The following SNRPN variants were observed in gnomAD, a reference collection of about 807,000 sequenced individuals.
SNRPN encodes the protein small nuclear ribonucleoprotein-associated protein N.
Under a neutral mutation model 25.2 loss-of-function variants are expected in SNRPN, and 7 were observed. The ratio of observed to expected loss-of-function variants is 0.28; its 90% CI spans 0.16 to 0.52. SNRPN has a LOEUF of 0.52. Among genes scored for constraint, SNRPN ranks in the 20% least tolerant of loss-of-function variants. The pLI is 0.96. For synonymous variants in SNRPN, 124 were observed against 110.6 expected (o/e 1.12, Z -0.76); for missense variants, 196 against 322.5 (o/e 0.61, Z 3.00).
intron 2 of SNRPN, among the ~76,000 whole-genome samples, chr15:24,888,022 C>G (rs1306163154): frequency 6.6e-6 from 1 of 151,990 alleles, no homozygotes; most frequent in East Asian, 1.9e-4. Context: ...GTTAATGTCA[C>G]TGAACTGTAC....
chr15:24,927,438 T>C (rs12912143), intron 3 of SNRPN, among the ~76,000 whole-genome samples: 141,869 of 141,898 alleles, frequency 1, 70,921 homozygotes, highest in Middle Eastern at 1. Flanking sequence ...CCCTCTTTTT[T>C]TTCTCCCTCT....
Position 24,904,292 on chromosome 15 carries a change from T to A in SNRPN, c.-504-15719T>A, listed in dbSNP as rs530806038. On this transcript the variant is annotated intron_variant, in intron 2 of 11. Transcript: ENST00000400097. Reference sequence around the variant, plus strand: ...TTGGTGAGAACCCTATTAGGCTGATTTCAATTACAAACATGGATGTACAGG... The same window carrying A: ...TTGGTGAGAACCCTATTAGGCTGATATCAATTACAAACATGGATGTACAGG... 8.5e-5 allele frequency among the ~76,000 whole-genome samples: 13 copies of A among 152,238 alleles called. No individual in the cohort carries two copies. In the South Asian group the frequency reaches 1.2e-3, roughly 15 times the overall value.
intron 2 of SNRPN, among the ~76,000 whole-genome samples, chr15:24,894,696 G>A (rs1034319193): frequency 6.6e-6 from 1 of 152,172 alleles, no homozygotes; most frequent in Non-Finnish European, 1.5e-5. Context: ...AAGGGACAAG[G>A]AGTTTTTACT....
In SNRPN at chr15:24,976,936, A is replaced by G. The variant is rs950695321; in HGVS notation, c.327A>G (p.Ala109=). The G allele has an allele frequency of 6.2e-7, 1 of 1,608,932 alleles. No individual in the cohort carries two copies. The highest frequency in any genetic ancestry group is 1.1e-5 in the South Asian group (1 of 90,376). The change falls in exon 7 of 10, where the codon GCA becomes GCG. Residue 109 remains alanine (A), a synonymous_variant. Transcript: ENST00000390687. Reference sequence around the variant, plus strand: ...CTGGAGGCCCTGGGGTTGGTAGGGCAGCTGGTAGAGGAGTACCAGCTGGTG... The same window carrying G: ...CTGGAGGCCCTGGGGTTGGTAGGGCGGCTGGTAGAGGAGTACCAGCTGGTG... ...GAAGGPGVGR[A]AGRGVPAGVP... is the part of the protein sequence containing the mutation.
At chr15:24,892,264 T>C (rs144151004) in intron 2 of SNRPN, among the ~76,000 whole-genome samples, 1 of 152,158 alleles carries the variant, frequency 6.6e-6, no homozygotes, top group Non-Finnish European at 1.5e-5. Context: ...CAGGGTGGAC[T>C]AAAGTTTAAG....
intron 2 of SNRPN, chr15:24,911,178 A>G (rs2059192410): frequency 2.0e-6 from 1 of 494,350 alleles, no homozygotes. Context: ...AATTATTTTT[A>G]AAGGGAAGTT....
At chr15:24,954,388 T>C (rs1264721630), upstream of SNRPN, among the ~76,000 whole-genome samples, 1 of 152,216 alleles carries the variant, frequency 6.6e-6, no homozygotes, top group Non-Finnish European at 1.5e-5. Context: ...TTGAATGATC[T>C]ATCCATTCCG....
At chr15:24,825,167 C>T (rs1025553213) in intron 1 of SNRPN, among the ~76,000 whole-genome samples, 1 of 151,956 alleles carries the variant, frequency 6.6e-6, no homozygotes, top group East Asian at 1.9e-4. Flanking sequence ...GTCAGGCACT[C>T]GGGGTTTCAA....
Position 24,835,123 on chromosome 15 carries a change from A to T in SNRPN, c.-579+5218A>T, listed in dbSNP as rs1444566293. Among the ~76,000 whole-genome samples, 13 of 62,284 alleles carry T rather than the reference A, an allele frequency of 2.1e-4. 3 individuals carry two copies. The South Asian group carries it at 4.2e-3, about 20-fold the overall frequency. 40.9% of individuals were successfully genotyped at this position (62,284 alleles called of 152,430 possible). ...ATATATATACTATATATCTATATATAAAATATATAGATATATATACTATAT... is the reference window on the plus strand; with the variant it reads ...ATATATATACTATATATCTATATATTAAATATATAGATATATATACTATAT... On this transcript the variant is annotated intron_variant, in intron 2 of 12. Transcript: ENST00000400100.
intron 2 of SNRPN, among the ~76,000 whole-genome samples, chr15:24,838,019 G>C (rs926600809): frequency 1.4e-5 from 2 of 147,926 alleles, no homozygotes; most frequent in Non-Finnish European, 3.0e-5. Flanking sequence ...CACTGTGCCC[G>C]GCCAACTCTT....
chr15:24,865,478 G>A (rs1197556625), intron 1 of SNRPN, among the ~76,000 whole-genome samples: 1 of 152,178 alleles, frequency 6.6e-6, no homozygotes, highest in Non-Finnish European at 1.5e-5. Flanking sequence ...CTCTTATCAG[G>A]AGAAAGTTAC....
At chr15:24,918,429 A>AT (rs1412902569) in intron 2 of SNRPN, among the ~76,000 whole-genome samples, 1 of 99,350 alleles carries the variant, frequency 1.0e-5, no homozygotes, top group Non-Finnish European at 2.0e-5. Context: ...TGTATATATA[A>AT]CATAATATAT....
At chr15:24,892,255 AG>A (rs765828409) in intron 2 of SNRPN, among the ~76,000 whole-genome samples, 4 of 152,148 alleles carry the variant, frequency 2.6e-5, no homozygotes, top group Admixed American at 6.5e-5. Flanking sequence ...CCTTGACAGC[AG>A]GGTGGACTAA....
At chr15:24,828,000 G>A (rs1034270552) in intron 1 of SNRPN, among the ~76,000 whole-genome samples, 6 of 151,848 alleles carry the variant, frequency 4.0e-5, no homozygotes, top group Admixed American at 1.3e-4. Context: ...TGACCAAAAC[G>A]GCCCTTATGT....
intron 3 of SNRPN, 54 bp downstream of exon 3, chr15:24,968,136 G>A (rs1179891875): frequency 4.8e-6 from 5 of 1,044,774 alleles, no homozygotes; most frequent in East Asian, 2.4e-5. Context: ...AGAATGGGGT[G>A]TTGGGGGTTC....
At chr15:24,937,716 A>G (rs531338407) in intron 3 of SNRPN, among the ~76,000 whole-genome samples, 129 of 152,314 alleles carry the variant, frequency 8.5e-4, no homozygotes, top group African/African-American at 3.1e-3. Flanking sequence ...CTAGCTCTAG[A>G]ACTTTTTGTC....
chr15:24,972,343 ATAT>A (rs1034687791), intron 3 of SNRPN, among the ~76,000 whole-genome samples: 4 of 152,124 alleles, frequency 2.6e-5, no homozygotes, highest in Non-Finnish European at 5.9e-5. Flanking sequence ...TCATAAGATA[ATAT>A]TCAAAACTTC....
chr15:24,919,276 A>C (rs2059894172), intron 2 of SNRPN, among the ~76,000 whole-genome samples: 1 of 151,686 alleles, frequency 6.6e-6, no homozygotes, highest in South Asian at 2.1e-4. Context: ...AAAAATACAC[A>C]AAAAATTAGC....
chr15:24,898,687 A>G (rs924772591), intron 2 of SNRPN, among the ~76,000 whole-genome samples: 6 of 152,210 alleles, frequency 3.9e-5, no homozygotes, highest in African/African-American at 1.4e-4. Flanking sequence ...ATGTGTTATT[A>G]CAAACTCAAC....
Sources: allele counts gnomAD v4.1 joint callset (sites outside exome capture counted in the v4.1 genomes callset), GRCh38; gene constraint gnomAD v4.1.1; transcripts MANE v1.5; gene names NCBI Gene and HGNC (gene_info 2026-07-23, HGNC 2026-07-21).